The following MAP2K6 variants were observed in gnomAD, a reference collection of about 807,000 sequenced individuals.
MAP2K6 encodes dual specificity mitogen-activated protein kinase kinase 6.
In MAP2K6, 16 loss-of-function variants were observed where a neutral mutation model predicts 53.7. The observed-to-expected ratio is 0.30, with a 90% CI of 0.20 to 0.45. The LOEUF (loss-of-function observed/expected upper bound fraction) is 0.45, where lower values mean the gene tolerates loss of function less well. Ranked by LOEUF, MAP2K6 falls within the 20% of genes least tolerant of loss-of-function variation. The pLI is 1.00. For synonymous variants in MAP2K6, 132 were observed against 143.1 expected (o/e 0.92, Z 0.55); for missense variants, 204 against 411.9 (o/e 0.50, Z 4.37).
intron 1 of MAP2K6, among the ~76,000 whole-genome samples, chr17:69,461,999 G>C (rs1168958700): frequency 6.6e-6 from 1 of 152,184 alleles, no homozygotes; most frequent in African/African-American, 2.4e-5. Context: ...TTCGCAAGGA[G>C]GCAGTTTGGA....
At chr17:69,531,056 CT>C (rs35152020) in intron 10 of MAP2K6, among the ~76,000 whole-genome samples, 64 of 144,646 alleles carry the variant, frequency 4.4e-4, no homozygotes, top group Admixed American at 7.6e-4. Flanking sequence ...ATTAAAGGAC[CT>C]TTTTTTTTTT....
chr17:69,525,061 T>A, intron 9 of MAP2K6, 83 bp downstream of exon 9: 1 of 1,179,940 alleles, frequency 8.5e-7, no homozygotes, highest in Middle Eastern at 2.0e-4. Flanking sequence ...AAGAAACAAA[T>A]GCCCTAAATG....
At chr17:69,428,125 C>T (rs114106474) in intron 1 of MAP2K6, among the ~76,000 whole-genome samples, 2,609 of 152,260 alleles carry the variant, frequency 0.017, 77 homozygotes, top group African/African-American at 0.06. Flanking sequence ...TCTTACTACC[C>T]TCAAGAAGCT....
At chr17:69,473,750 C>T (rs948048069) in intron 1 of MAP2K6, among the ~76,000 whole-genome samples, 10 of 152,250 alleles carry the variant, frequency 6.6e-5, no homozygotes, top group African/African-American at 1.4e-4. Flanking sequence ...ATCCAGGAGA[C>T]GCTTTGGAGT....
chr17:69,533,735 GTTTTTT>G (rs35697742), intron 10 of MAP2K6, among the ~76,000 whole-genome samples: 1 of 140,178 alleles, frequency 7.1e-6, no homozygotes, highest in Non-Finnish European at 1.5e-5. Context: ...TAGCCTGTTT[GTTTTTT>G]TTTTTTTTTT....
At chr17:69,497,088 C>G (rs535243054) in intron 1 of MAP2K6, among the ~76,000 whole-genome samples, 1 of 152,346 alleles carries the variant, frequency 6.6e-6, no homozygotes, top group South Asian at 2.1e-4. Flanking sequence ...CTGCAAAATT[C>G]AAGCAGCTTA....
At chr17:69,439,690 A>G (rs1200810096) in intron 1 of MAP2K6, among the ~76,000 whole-genome samples, 1 of 151,486 alleles carries the variant, frequency 6.6e-6, no homozygotes, top group Non-Finnish European at 1.5e-5. Flanking sequence ...TCCACACCAC[A>G]CTCCACCCTG....
intron 1 of MAP2K6, among the ~76,000 whole-genome samples, chr17:69,461,902 A>G (rs1175829462): frequency 1.3e-5 from 2 of 152,244 alleles, no homozygotes; most frequent in African/African-American, 2.4e-5. Flanking sequence ...GCCACTCTTC[A>G]TAACTTTTCC....
intron 1 of MAP2K6, among the ~76,000 whole-genome samples, chr17:69,468,031 G>T (rs1907870974): frequency 6.6e-6 from 1 of 152,182 alleles, no homozygotes; most frequent in Non-Finnish European, 1.5e-5. Flanking sequence ...CTCCCAAACT[G>T]CTGGAATTAC....
chr17:69,454,289 T>C (rs1907326955), intron 1 of MAP2K6, among the ~76,000 whole-genome samples: 1 of 152,332 alleles, frequency 6.6e-6, no homozygotes, highest in Admixed American at 6.5e-5. Context: ...TAGAAGCCAG[T>C]CTTACCAGAG....
chr17:69,457,080 A>C (rs1907437914), intron 1 of MAP2K6, among the ~76,000 whole-genome samples: 1 of 152,082 alleles, frequency 6.6e-6, no homozygotes, highest in Non-Finnish European at 1.5e-5. Flanking sequence ...CTCTGATCTA[A>C]ATCAAATGTC....
chr17:69,478,208 C>G (rs1225013442), intron 1 of MAP2K6, among the ~76,000 whole-genome samples: 2 of 152,196 alleles, frequency 1.3e-5, no homozygotes, highest in African/African-American at 4.8e-5. Flanking sequence ...CTAGAAGGAG[C>G]TATAGACAAC....
intron 1 of MAP2K6, among the ~76,000 whole-genome samples, chr17:69,486,254 G>A (rs1022070085): frequency 6.6e-6 from 1 of 152,154 alleles, no homozygotes; most frequent in Admixed American, 6.6e-5. Flanking sequence ...GTGTTATTTG[G>A]TGTCCCACTT....
chr17:69,508,684 A>C (rs1300119662), intron 2 of MAP2K6, among the ~76,000 whole-genome samples: 1 of 152,206 alleles, frequency 6.6e-6, no homozygotes. Flanking sequence ...CATGCTTTTG[A>C]TAATAAGTCT....
intron 1 of MAP2K6, among the ~76,000 whole-genome samples, chr17:69,420,872 T>G (rs1268376929): frequency 6.6e-6 from 1 of 152,202 alleles, no homozygotes; most frequent in Admixed American, 6.5e-5. Context: ...AATGGTGACA[T>G]GTGAATCATG....
chr17:69,527,889 G>A (rs1910858636), intron 10 of MAP2K6, among the ~76,000 whole-genome samples: 1 of 152,170 alleles, frequency 6.6e-6, no homozygotes, highest in Admixed American at 6.5e-5. Context: ...GCCAAGGCGA[G>A]TGGATCACCT....
chr17:69,420,453 C>T (rs1025839520), intron 1 of MAP2K6, among the ~76,000 whole-genome samples: 2 of 152,116 alleles, frequency 1.3e-5, no homozygotes, highest in African/African-American at 4.8e-5. Flanking sequence ...TTTTAATGAC[C>T]TCACAAGTCA....
At chr17:69,459,200 T>C (rs1333508498) in intron 1 of MAP2K6, among the ~76,000 whole-genome samples, 3 of 152,232 alleles carry the variant, frequency 2.0e-5, no homozygotes, top group East Asian at 1.9e-4. Flanking sequence ...TTTTAATTTC[T>C]AATTCCTTTG....
At chr17:69,527,034 C>T (rs923131052) in intron 10 of MAP2K6, among the ~76,000 whole-genome samples, 2 of 151,986 alleles carry the variant, frequency 1.3e-5, no homozygotes, top group Admixed American at 6.6e-5. Flanking sequence ...TCTGGAGCTG[C>T]GATCACGAGA....
Sources: allele counts gnomAD v4.1 joint callset (sites outside exome capture counted in the v4.1 genomes callset), GRCh38; gene constraint gnomAD v4.1.1; transcripts MANE v1.5; gene names NCBI Gene and HGNC (gene_info 2026-07-23, HGNC 2026-07-21).